The following ADAM10 variants were observed in gnomAD, a reference collection of about 807,000 sequenced individuals.
ADAM10 encodes ADAM metallopeptidase domain 10, also known as disintegrin and metalloproteinase domain-containing protein 10.
ADAM10 carries 17 observed loss-of-function variants against 90.1 expected under a neutral mutation model. That is an observed-to-expected ratio of 0.19 (90% confidence interval 0.13 to 0.28). The LOEUF is 0.28. ADAM10 is among the 10% of genes least tolerant of loss of function. The pLI is 1.00. For missense variants in ADAM10, 610 were observed against 914.3 expected (o/e 0.67, Z 4.29); for synonymous variants, 310 against 298.6 (o/e 1.04, Z -0.40).
intron 10 of ADAM10, among the ~76,000 whole-genome samples, chr15:58,624,562 C>T (rs1246460512): frequency 6.6e-6 from 1 of 152,152 alleles, no homozygotes. Context: ...GACAGAGTCT[C>T]GCTCTGTTGC....
rs1323960397 is a variant in ADAM10 at position 58,647,246 on chromosome 15, G to GTTTTTTTTTTTTT, written c.586-1043_586-1042insAAAAAAAAAAAAA. Among the ~76,000 whole-genome samples the GTTTTTTTTTTTTT allele has an allele frequency of 7.9e-4, 29 of 36,838 alleles. 1 individual carries two copies. Among genetic ancestry groups the GTTTTTTTTTTTTT allele is most frequent in the Admixed American group, 4.0e-3 (14 of 3,484 alleles). The allele number at this position is 36,838 out of a possible 152,430, so 24.2% of individuals were successfully genotyped here. On this transcript the variant is annotated intron_variant, in intron 5 of 15. Coordinates refer to ENST00000260408, the MANE Select transcript of ADAM10 (RefSeq NM_001110.4). ...CTTGGCAGCAAAGAGTAGACACTAAGTATTTTTTTTTTTTTTTTTTTTTTT... is the reference window on the plus strand; with the variant it reads ...CTTGGCAGCAAAGAGTAGACACTAAGTTTTTTTTTTTTTTATTTTTTTTTTTTTTTTTTTTTTT...
chr15:58,714,989 G>T (rs1403464206), intron 2 of ADAM10, among the ~76,000 whole-genome samples: 1 of 152,156 alleles, frequency 6.6e-6, no homozygotes, highest in Non-Finnish European at 1.5e-5. Flanking sequence ...TAATTAAAAT[G>T]ACCACGGTTT....
At chr15:58,746,894 T>C (rs576746555) in intron 1 of ADAM10, among the ~76,000 whole-genome samples, 6 of 152,216 alleles carry the variant, frequency 3.9e-5, no homozygotes, top group Non-Finnish European at 7.3e-5. Flanking sequence ...TAAATTCTTA[T>C]TTGCTGGTAG....
Position 58,700,409 on chromosome 15 carries a change from A to G in ADAM10, c.206+17168T>C, listed in dbSNP as rs528324905. Reference sequence around the variant, plus strand: ...AGTCAGACTACAAAAGAATAAAACTAGAAACCACGAACAAGAACTTTGGAA... The same window carrying G: ...AGTCAGACTACAAAAGAATAAAACTGGAAACCACGAACAAGAACTTTGGAA... On this transcript the variant is annotated intron_variant, in intron 2 of 15. Transcript: ENST00000260408. Among the ~76,000 whole-genome samples the G allele has an allele frequency of 2.0e-5, 3 of 152,362 alleles. No individual in the cohort carries two copies. In the South Asian group the frequency reaches 6.2e-4, roughly 32 times the overall value.
chr15:58,712,340 C>T (rs1278050987), intron 2 of ADAM10, among the ~76,000 whole-genome samples: 1 of 151,566 alleles, frequency 6.6e-6, no homozygotes, highest in Non-Finnish European at 1.5e-5. Flanking sequence ...GGCAACATGG[C>T]AAAACCCCAT....
Position 58,591,327 on chromosome 15 carries a change from CATT to C in ADAM10, c.*6217_*6219del, listed in dbSNP as rs1894820903. On this transcript the variant is annotated 3_prime_UTR_variant, in exon 16 of 16. Coordinates refer to ENST00000260408, the MANE Select transcript of ADAM10 (RefSeq NM_001110.4). ...TCAAGTTTAATTCCACTAAAACAAT[CATT>C]ATGAAAATCATTATGAATACAGGTC... 1 of 152,132 alleles carries C rather than the reference CATT, an allele frequency of 6.6e-6. No homozygotes were observed. Among genetic ancestry groups the C allele is most frequent in the African/African-American group, 2.4e-5 (1 of 41,418 alleles). 9.4% of individuals were successfully genotyped at this position (152,132 alleles called of 1,614,324 possible).
chr15:58,741,579 C>T (rs1309429184), intron 1 of ADAM10, among the ~76,000 whole-genome samples: 1 of 152,216 alleles, frequency 6.6e-6, no homozygotes. Context: ...ACTTCAACGA[C>T]TGAGGTCTTC....
chr15:58,648,383 T>C (rs979258317), intron 5 of ADAM10, among the ~76,000 whole-genome samples: 6 of 152,152 alleles, frequency 3.9e-5, no homozygotes, highest in African/African-American at 1.2e-4. Flanking sequence ...TTCAAATCCA[T>C]GTTATTTGTG....
At chr15:58,749,140 A>C (rs1171088609) in intron 1 of ADAM10, 3 of 398,056 alleles carry the variant, frequency 7.5e-6, no homozygotes, top group Non-Finnish European at 1.3e-5. Flanking sequence ...GACTGGAGGG[A>C]TGCAGCCACC....
chr15:58,680,570 A>C (rs1897406931), intron 3 of ADAM10, among the ~76,000 whole-genome samples: 1 of 152,250 alleles, frequency 6.6e-6, no homozygotes, highest in Non-Finnish European at 1.5e-5. Context: ...AAATAATAGG[A>C]AAAAAGGTAC....
At chr15:58,599,144 G>C (rs1368396348) in intron 15 of ADAM10, among the ~76,000 whole-genome samples, 1 of 118,816 alleles carries the variant, frequency 8.4e-6, no homozygotes, top group Non-Finnish European at 1.6e-5. Flanking sequence ...GCAACACAGT[G>C]AGAGAAAGAA....
chr15:58,657,379 T>TA (rs1380530446), intron 5 of ADAM10, among the ~76,000 whole-genome samples: 2 of 152,198 alleles, frequency 1.3e-5, no homozygotes, highest in African/African-American at 4.8e-5. Context: ...TTCATTCTTT[T>TA]AGAGTATTCC....
chr15:58,592,951 C>T lies in ADAM10; in HGVS notation c.*4596G>A, dbSNP rs1169961435. ...CTTTAGAATTGTTTAAAATAATAAA[C>T]AATGTGGAACCTACATGTCCAAACA... is the stretch of plus-strand genomic sequence containing the variant. On this transcript the variant is annotated 3_prime_UTR_variant, in exon 16 of 16. Transcript: ENST00000260408. The T allele has an allele frequency of 6.8e-6, 1 of 147,362 alleles. No homozygotes were observed. The highest frequency in any genetic ancestry group is 1.5e-5 in the Non-Finnish European group (1 of 66,932). 9.1% of individuals were successfully genotyped at this position (147,362 alleles called of 1,614,324 possible). A position where few individuals can be genotyped will look rare whatever the true frequency, so the allele number is the denominator to read the frequency against.
chr15:58,684,447 A>G (rs1039015848), intron 2 of ADAM10, among the ~76,000 whole-genome samples: 1 of 152,230 alleles, frequency 6.6e-6, no homozygotes, highest in Non-Finnish European at 1.5e-5. Context: ...ATGGAATTTC[A>G]GCCCTAGCCA....
intron 10 of ADAM10, among the ~76,000 whole-genome samples, chr15:58,623,327 G>C (rs2141011167): frequency 6.6e-6 from 1 of 152,314 alleles, no homozygotes; most frequent in Non-Finnish European, 1.5e-5. Context: ...GGGCACATAG[G>C]AGCCTAGCTG....
At chr15:58,726,978 C>T (rs1390237165) in intron 1 of ADAM10, among the ~76,000 whole-genome samples, 2 of 151,448 alleles carry the variant, frequency 1.3e-5, no homozygotes, top group African/African-American at 4.9e-5. Flanking sequence ...AATGATCTAA[C>T]ATAACAATTA....
At chr15:58,606,934 G>A (rs967998898) in intron 14 of ADAM10, among the ~76,000 whole-genome samples, 2 of 152,216 alleles carry the variant, frequency 1.3e-5, no homozygotes, top group African/African-American at 2.4e-5. Flanking sequence ...GCTACTCAAA[G>A]TGCAAAAGCA....
chr15:58,615,024 C>T (rs560865894), intron 11 of ADAM10, among the ~76,000 whole-genome samples: 24 of 152,170 alleles, frequency 1.6e-4, no homozygotes, highest in Admixed American at 3.9e-4. Flanking sequence ...CCTGTAATCC[C>T]AGCACTTTGG....
chr15:58,713,119 A>G (rs1468256771), intron 2 of ADAM10, among the ~76,000 whole-genome samples: 1 of 152,140 alleles, frequency 6.6e-6, no homozygotes, highest in African/African-American at 2.4e-5. Flanking sequence ...TTGTTTGTTG[A>G]GACAGGGTCT....
Sources: allele counts gnomAD v4.1 joint callset (sites outside exome capture counted in the v4.1 genomes callset), GRCh38; gene constraint gnomAD v4.1.1; transcripts MANE v1.5; gene names NCBI Gene and HGNC (gene_info 2026-07-23, HGNC 2026-07-21).